Variants in CHD6 observed in about 807,000 individuals in gnomAD.
The protein encoded by CHD6 is chromodomain helicase DNA binding protein 6.
Under a neutral mutation model 276.9 loss-of-function variants are expected in CHD6, and 50 were observed. The observed-to-expected ratio is 0.18, with a 90% confidence interval of 0.14 to 0.23. The LOEUF (loss-of-function observed/expected upper bound fraction) is 0.23, where lower values mean the gene tolerates loss of function less well. CHD6 is among the 10% of genes least tolerant of loss of function. The pLI, the probability that CHD6 is intolerant of heterozygous loss-of-function variation, is 1.00. For synonymous variants in CHD6, 1,173 were observed against 1,229.3 expected (o/e 0.95, Z 0.96); for missense variants, 2,564 against 3,365.8 (o/e 0.76, Z 5.89).
At chr20:41,407,484 G>A (rs74918386) in intron 36 of CHD6, among the ~76,000 whole-genome samples, 13,978 of 152,304 alleles carry the variant, frequency 0.092, 1,084 homozygotes, top group East Asian at 0.34. Flanking sequence ...GGGCAGTTAA[G>A]AAATCTATTT....
At chr20:41,444,922 C>A (rs1330383901) in intron 25 of CHD6, among the ~76,000 whole-genome samples, 1 of 152,222 alleles carries the variant, frequency 6.6e-6, no homozygotes, top group South Asian at 2.1e-4. Flanking sequence ...ACTCTTTTCA[C>A]TTTAAACCTT....
intron 1 of CHD6, among the ~76,000 whole-genome samples, chr20:41,579,738 AC>A (rs2045516147): frequency 6.6e-6 from 1 of 152,144 alleles, no homozygotes; most frequent in Non-Finnish European, 1.5e-5. Flanking sequence ...AACTTTTCCA[AC>A]CTCCTTACCC....
intron 17 of CHD6, among the ~76,000 whole-genome samples, chr20:41,467,341 C>T (rs981176196): frequency 6.6e-6 from 1 of 151,880 alleles, no homozygotes; most frequent in African/African-American, 2.4e-5. Flanking sequence ...GGGCCAGGAA[C>T]TCAGATGAAG....
In CHD6 at chr20:41,534,349, C is replaced by A. The variant is rs568870208; in HGVS notation, c.34-779G>T. ...CCTGCTCTCTTAACAAGAGGCCTGG[C>A]ATGTGCTAAAGGGCACAGACAGTTG... On this transcript the variant is annotated intron_variant, in intron 2 of 36. Coordinates refer to ENST00000373233, the MANE Select transcript of CHD6 (RefSeq NM_032221.5). Among the ~76,000 whole-genome samples, 9 of 152,346 alleles carry A rather than the reference C, an allele frequency of 5.9e-5. No individual in the cohort carries two copies. In the East Asian group the frequency reaches 1.4e-3, roughly 23 times the overall value.
intron 1 of CHD6, among the ~76,000 whole-genome samples, chr20:41,562,081 CCTCTAATTTTCTGT>C (rs1230166213): frequency 6.6e-6 from 1 of 151,624 alleles, no homozygotes; most frequent in Non-Finnish European, 1.5e-5. Context: ...CTTGGCTGTA[CCTCTAATTTTCTGT>C]CTCATTTACA....
Position 41,420,608 on chromosome 20 carries a change from A to T in CHD6, c.6027T>A (p.Val2009=). The part of the protein sequence containing the change: ...PWKESAEGQN[V]FPTYPLEGSE... ...TTCCTTCAAGAGGATATGTGGGGAA[A>T]ACGTTTTGCCCCTCTGCACTTTCTT... is the stretch of plus-strand genomic sequence containing the variant. Residue 2009 remains valine, a synonymous_variant, in exon 31 of 37, where the codon GTT becomes GTA. Transcript: ENST00000373233. 1.9e-6 allele frequency: 3 copies of T among 1,614,210 alleles called. No homozygotes were observed.
At chr20:41,504,077 C>CA (rs1189323419) in intron 5 of CHD6, among the ~76,000 whole-genome samples, 4,919 of 26,880 alleles carry the variant, frequency 0.18, 882 homozygotes, top group Middle Eastern at 0.26. Context: ...GACTCTGTCT[C>CA]AAAAAAAAAA....
chr20:41,488,831 A>G (rs937794880), intron 12 of CHD6, among the ~76,000 whole-genome samples: 2 of 152,218 alleles, frequency 1.3e-5, no homozygotes, highest in Admixed American at 1.3e-4. Flanking sequence ...GCCCTCACAA[A>G]GGTGAGAAGG....
chr20:41,443,190 A>C (rs74690173), intron 25 of CHD6, among the ~76,000 whole-genome samples: 5,613 of 152,310 alleles, frequency 0.037, 116 homozygotes, highest in Middle Eastern at 0.071. Flanking sequence ...AGCAAACACA[A>C]ATTAATTTAT....
In CHD6 at chr20:41,421,434, A is replaced by C; in HGVS notation, c.5201T>G (p.Val1734Gly). 6.2e-7 allele frequency: 1 copy of C among 1,614,154 alleles called. No homozygotes were observed. Among genetic ancestry groups the C allele is most frequent in the Admixed American group, 1.7e-5 (1 of 60,022 alleles). The change falls in exon 31 of 37, where the codon GTT becomes GGT. Residue 1734 changes from valine (V) to glycine (G), a missense_variant. Around this residue, in one of 7 missense-constraint regions of CHD6, gnomAD observed 1,024 missense variants for 1,047.9 expected, o/e 0.98. Coordinates refer to ENST00000373233, the MANE Select transcript of CHD6 (RefSeq NM_032221.5). The stretch of plus-strand genomic sequence containing the variant: ...ATCTTTGCTTATTGAGATGGTAATA[A>C]CATCTTTTCTAGATTCAGTATTGGT... ...PSTNTESRKD[V>G]ITISISKDGN...
intron 5 of CHD6, among the ~76,000 whole-genome samples, chr20:41,510,975 C>A (rs931394009): frequency 6.6e-6 from 1 of 152,112 alleles, no homozygotes; most frequent in East Asian, 1.9e-4. Flanking sequence ...ATGAATATAA[C>A]CATGACATGA....
At chr20:41,436,040 CT>C (rs2047699118) in intron 27 of CHD6, among the ~76,000 whole-genome samples, 1 of 152,076 alleles carries the variant, frequency 6.6e-6, no homozygotes, top group African/African-American at 2.4e-5. Context: ...CCAGGCTAGT[CT>C]TGAACTCCTG....
At chr20:41,492,782 G>A (rs536768099) in intron 10 of CHD6, among the ~76,000 whole-genome samples, 2 of 152,336 alleles carry the variant, frequency 1.3e-5, no homozygotes, top group South Asian at 2.1e-4. Context: ...TTAGCCAGGC[G>A]TGGTGGCACA....
chr20:41,452,159 T>C lies in CHD6; in HGVS notation c.3324-134A>G. The stretch of plus-strand genomic sequence containing the variant: ...AGGTCTGTTAATCATCCCAAGGGCT[T>C]TGTCCCGAAAGGCCTTTGAGGACCA... On this transcript the variant is annotated intron_variant, in intron 21 of 36. Transcript: ENST00000373233. This position sits in a 1 kb window ranked among gnomAD's most constrained non-coding sequence, Gnocchi z 4.2. 1.4e-6 allele frequency: 1 copy of C among 724,560 alleles called. No homozygotes were observed. Among genetic ancestry groups the C allele is most frequent in the Non-Finnish European group, 2.4e-6 (1 of 420,298 alleles). 44.9% of individuals were successfully genotyped at this position (724,560 alleles called of 1,614,324 possible).
chr20:41,605,778 CTCTA>C lies in CHD6; in HGVS notation c.-24+12558_-24+12561del, dbSNP rs1352409509. ...ATTAGTAAAATTGACAAAATTTCAT[CTCTA>C]TCTACTTTCATTCCTAAAGAAGATT... is the stretch of plus-strand genomic sequence containing the variant. On this transcript the variant is annotated intron_variant, in intron 1 of 36. Transcript: ENST00000373233. Among the ~76,000 whole-genome samples, 31 of 149,608 alleles carry C rather than the reference CTCTA, an allele frequency of 2.1e-4. 1 individual carries two copies. Among genetic ancestry groups the C allele is most frequent in the African/African-American group, 7.5e-4 (30 of 40,056 alleles).
chr20:41,593,511 G>A (rs1370829298), intron 1 of CHD6, among the ~76,000 whole-genome samples: 1 of 152,120 alleles, frequency 6.6e-6, no homozygotes. Flanking sequence ...ACTGCTACCT[G>A]CTGATATTGC....
At chr20:41,478,533 C>T (rs2043217526) in intron 16 of CHD6, among the ~76,000 whole-genome samples, 1 of 152,116 alleles carries the variant, frequency 6.6e-6, no homozygotes, top group Non-Finnish European at 1.5e-5. Flanking sequence ...TGACACACAT[C>T]AGGGGAAGGT....
intron 1 of CHD6, among the ~76,000 whole-genome samples, chr20:41,609,037 C>G (rs2045858537): frequency 6.6e-6 from 1 of 152,208 alleles, no homozygotes; most frequent in Admixed American, 6.5e-5. Context: ...GTGATGAGAA[C>G]AAACCTGAAG....
intron 1 of CHD6, among the ~76,000 whole-genome samples, chr20:41,566,081 A>G (rs1348998394): frequency 1.3e-5 from 2 of 152,120 alleles, no homozygotes; most frequent in Non-Finnish European, 2.9e-5. Flanking sequence ...ATAATGGCTG[A>G]AGCACATTAA....
Sources: allele counts gnomAD v4.1 joint callset (sites outside exome capture counted in the v4.1 genomes callset), GRCh38; gene constraint gnomAD v4.1.1; regional missense constraint gnomAD v4.1.1; non-coding constraint Gnocchi (gnomAD v3.1); transcripts MANE v1.5; gene names NCBI Gene and HGNC (gene_info 2026-07-23, HGNC 2026-07-21).